The following VMP1 variants were observed in gnomAD, a reference collection of about 807,000 sequenced individuals.
VMP1 encodes the protein ectopic P-granules autophagy protein 3 homolog.
In VMP1, 11 loss-of-function variants were observed where a neutral mutation model predicts 56.0. The ratio of observed to expected loss-of-function variants is 0.20; its 90% CI spans 0.12 to 0.32. VMP1 has a LOEUF of 0.32. Among genes scored for constraint, VMP1 ranks in the 10% least tolerant of loss-of-function variants. The pLI, the probability that VMP1 is intolerant of heterozygous loss-of-function variation, is 1.00. For synonymous variants in VMP1, 149 were observed against 165.0 expected (o/e 0.90, Z 0.74); for missense variants, 296 against 490.3 (o/e 0.60, Z 3.74).
chr17:59,710,093 A>G (rs1379434756), intron 1 of VMP1, among the ~76,000 whole-genome samples: 1 of 152,084 alleles, frequency 6.6e-6, no homozygotes, highest in Non-Finnish European at 1.5e-5. Flanking sequence ...GCTACTCCGG[A>G]GGCTGAGGCA....
chr17:59,759,588 A>G (rs539255683), intron 5 of VMP1, among the ~76,000 whole-genome samples: 9 of 152,232 alleles, frequency 5.9e-5, no homozygotes, highest in South Asian at 4.1e-4. Flanking sequence ...TCTAATATCA[A>G]TTTAGCTACT....
chr17:59,819,451 G>C (rs906867606), intron 10 of VMP1, among the ~76,000 whole-genome samples: 29 of 151,902 alleles, frequency 1.9e-4, no homozygotes, highest in African/African-American at 6.5e-4. Flanking sequence ...CTTCCCTTAT[G>C]TTTTTGGTTT....
At position 59,738,830 on chromosome 17, in the gene VMP1, T is replaced by C. The variant is rs781138622; in HGVS notation, c.304-7T>C. The stretch of plus-strand genomic sequence containing the variant: ...TTCACGGTTTTCACCTCATCCCTTT[T>C]TTTCAGTATGTGCAACGTATAGAGA... On this transcript the variant is annotated splice_region_variant and splice_polypyrimidine_tract_variant and intron_variant, in intron 4 of 11. Coordinates refer to ENST00000262291, the MANE Select transcript of VMP1 (RefSeq NM_030938.5). The C allele has an allele frequency of 3.2e-5, 52 of 1,603,440 alleles. No individual in the cohort carries two copies. Among genetic ancestry groups the C allele is most frequent in the Non-Finnish European group, 2.6e-6 (3 of 1,172,172 alleles).
intron 1 of VMP1, among the ~76,000 whole-genome samples, chr17:59,725,983 G>A (rs2034587918): frequency 6.6e-6 from 1 of 152,124 alleles, no homozygotes; most frequent in Non-Finnish European, 1.5e-5. Flanking sequence ...TGACACTATG[G>A]GAAAGAGTAA....
rs1281671834 is a variant in VMP1 at position 59,839,527 on chromosome 17, C to T, written c.1078-241C>T. 5 of 482,192 alleles carry T rather than the reference C, an allele frequency of 1.0e-5. No individual in the cohort carries two copies. In the Admixed American group the frequency reaches 2.0e-4, roughly 19 times the overall value. The allele number at this position is 482,192 out of a possible 1,614,324, so 29.9% of individuals were successfully genotyped here. A position where few individuals can be genotyped will look rare whatever the true frequency, so the allele number is the denominator to read the frequency against. ...TCCTAGTAGAAGAGCTAACCTCACA[C>T]TCATCCCATTCTAAACTATGTGATT... On this transcript the variant is annotated intron_variant, in intron 11 of 11. Coordinates refer to ENST00000262291, the MANE Select transcript of VMP1 (RefSeq NM_030938.5).
chr17:59,785,007 G>T (rs2036958896), intron 7 of VMP1: 1 of 151,882 alleles, frequency 6.6e-6, no homozygotes, highest in African/African-American at 2.4e-5. Context: ...TAACCAAAAA[G>T]AAAAATTAAA....
chr17:59,810,987 TTGTC>T (rs543133538), intron 8 of VMP1, among the ~76,000 whole-genome samples: 20 of 152,344 alleles, frequency 1.3e-4, no homozygotes, highest in East Asian at 5.8e-4. Context: ...AATTACTTCT[TTGTC>T]TGGGACTGAG....
At chr17:59,714,568 G>A (rs916442724) in intron 1 of VMP1, among the ~76,000 whole-genome samples, 3 of 147,312 alleles carry the variant, frequency 2.0e-5, no homozygotes, top group Non-Finnish European at 4.5e-5. Context: ...GGGGAGCAAG[G>A]TTTTTCACCT....
chr17:59,739,038 T>C (rs1165000968), intron 5 of VMP1, 91 bp downstream of exon 5: 1 of 1,015,428 alleles, frequency 9.8e-7, no homozygotes, highest in Non-Finnish European at 1.4e-6. Context: ...CTAAGATTTG[T>C]TTTAATTACC....
At position 59,819,540 on chromosome 17, in the gene VMP1, G is replaced by A. The variant is rs1451633229; in HGVS notation, c.974+1767G>A. On this transcript the variant is annotated intron_variant, in intron 10 of 11. Coordinates refer to ENST00000262291, the MANE Select transcript of VMP1 (RefSeq NM_030938.5). ...GCAATCTCAGCTCACTACAACCTCC[G>A]CCTCCCAGGTTAAAGCAATTCTTCT... is the stretch of plus-strand genomic sequence containing the variant. 3.3e-5 allele frequency among the ~76,000 whole-genome samples: 5 copies of A among 152,054 alleles called. No homozygotes were observed. In the South Asian group the frequency reaches 6.2e-4, roughly 19 times the overall value.
chr17:59,834,726 G>A (rs1293611831), intron 10 of VMP1, among the ~76,000 whole-genome samples: 1 of 151,762 alleles, frequency 6.6e-6, no homozygotes, highest in Non-Finnish European at 1.5e-5. Context: ...CTGGGTTCAA[G>A]TGATTCTCCC....
intron 3 of VMP1, among the ~76,000 whole-genome samples, chr17:59,736,768 C>A (rs1029465076): frequency 6.6e-6 from 1 of 151,398 alleles, no homozygotes; most frequent in Non-Finnish European, 1.5e-5. Flanking sequence ...AAAGCCCGGG[C>A]ATGGTGGCTC....
At chr17:59,728,425 A>G (rs1252588385) in intron 1 of VMP1, among the ~76,000 whole-genome samples, 1 of 151,508 alleles carries the variant, frequency 6.6e-6, no homozygotes, top group Non-Finnish European at 1.5e-5. Flanking sequence ...TCTTAATAAT[A>G]TAACCCCCTA....
At chr17:59,804,064 A>G (rs2037763865) in intron 7 of VMP1, among the ~76,000 whole-genome samples, 1 of 152,000 alleles carries the variant, frequency 6.6e-6, no homozygotes, top group African/African-American at 2.4e-5. Context: ...ATGAGAATAT[A>G]TATATTTTAG....
At chr17:59,813,871 A>C (rs776624870) in intron 9 of VMP1, among the ~76,000 whole-genome samples, 9 of 152,136 alleles carry the variant, frequency 5.9e-5, no homozygotes, top group Non-Finnish European at 1.3e-4. Flanking sequence ...TGCCATAAGT[A>C]CCCTATCTGT....
chr17:59,776,628 C>T (rs1029116178), intron 7 of VMP1, among the ~76,000 whole-genome samples: 2 of 152,178 alleles, frequency 1.3e-5, no homozygotes, highest in Non-Finnish European at 2.9e-5. Flanking sequence ...AGAACAAAAA[C>T]TCAGAATGCC....
chr17:59,815,752 G>A (rs1340852385), intron 9 of VMP1, among the ~76,000 whole-genome samples: 1 of 151,678 alleles, frequency 6.6e-6, no homozygotes, highest in Non-Finnish European at 1.5e-5. Flanking sequence ...AGCTACTCAG[G>A]AGGCTGAGGC....
intron 7 of VMP1, among the ~76,000 whole-genome samples, chr17:59,806,399 A>G (rs940709334): frequency 1.2e-4 from 19 of 152,104 alleles, no homozygotes; most frequent in Non-Finnish European, 2.6e-4. Context: ...AATAGAAAAT[A>G]CCCTTTGCTG....
intron 6 of VMP1, among the ~76,000 whole-genome samples, chr17:59,769,241 G>A (rs763374893): frequency 3.0e-4 from 45 of 148,064 alleles, no homozygotes; most frequent in Middle Eastern, 3.2e-3. Context: ...TGCAACCTCC[G>A]CCTCCCAGGT....
Sources: gnomAD v4.1 joint callset for allele counts (sites outside exome capture counted in the v4.1 genomes callset) on GRCh38, gnomAD v4.1.1 for gene constraint, MANE v1.5 for transcripts, NCBI Gene and HGNC (gene_info 2026-07-23, HGNC 2026-07-21) for gene names.